Variants in MMADHC observed in about 807,000 individuals in gnomAD.
The protein encoded by MMADHC is cobalamin trafficking protein CblD.
A neutral mutation model predicts 36.3 loss-of-function variants in MMADHC; 23 were observed. That is an observed-to-expected ratio of 0.63 (90% CI 0.46 to 0.90). The LOEUF is 0.90. MMADHC is among the 40% of genes least tolerant of loss of function. The probability of loss-of-function intolerance (pLI) is 0.00; values close to 1 mark genes in which losing one functional copy is unlikely to be tolerated. For synonymous variants in MMADHC, 97 were observed against 116.1 expected, an observed-to-expected ratio of 0.84 and a Z score of 1.06; for missense variants, 330 against 348.0, an observed-to-expected ratio of 0.95 and a Z score of 0.41.
intron 3 of MMADHC, 118 bp from the exon 4 acceptor site, chr2:149,579,766 CTT>C (rs996379599): frequency 8.8e-6 from 8 of 913,432 alleles, no homozygotes; most frequent in African/African-American, 1.7e-5. Flanking sequence ...TCAAAATCTG[CTT>C]TCCCATGTGA....
Position 149,582,181 on chromosome 2 carries a change from C to T in MMADHC, c.100G>A (p.Ala34Thr). Residue 34 changes from alanine to threonine, a missense_variant, in exon 3 of 8, where the codon GCA becomes ACA. Transcript: ENST00000303319. ...GACTCATCCGAACCTGATGATCCTG[C>T]AGTCGAAAAGGCTTTGGGATTGACA... The part of the protein sequence containing the change: ...RVVNPKAFST[A>T]GSSGSDESHV... 2 of 1,613,996 alleles carry T rather than the reference C, an allele frequency of 1.2e-6. No individual in the cohort carries two copies. Among genetic ancestry groups the T allele is most frequent in the South Asian group, 1.1e-5 (1 of 91,072 alleles).
intron 7 of MMADHC, 32 bp downstream of exon 7, chr2:149,571,053 T>C (rs2105042166): frequency 6.9e-7 from 1 of 1,457,070 alleles, no homozygotes; most frequent in Non-Finnish European, 9.6e-7. Flanking sequence ...CTCTACTTCA[T>C]ATAATCTGAT....
intron 4 of MMADHC, among the ~76,000 whole-genome samples, chr2:149,577,714 T>C (rs1461643716): frequency 6.6e-6 from 1 of 151,766 alleles, no homozygotes; most frequent in Non-Finnish European, 1.5e-5. Flanking sequence ...TATCCTCATG[T>C]GACATTTATA....
At chr2:149,583,026 A>G (rs1211812743) in intron 2 of MMADHC, among the ~76,000 whole-genome samples, 1 of 152,192 alleles carries the variant, frequency 6.6e-6, no homozygotes, top group Non-Finnish European at 1.5e-5. Flanking sequence ...TGTACTGCCT[A>G]TGGTCACTTT....
chr2:149,571,322 CG>C (rs1313545276), intron 6 of MMADHC, 151 bp from the exon 7 acceptor site: 10 of 524,904 alleles, frequency 1.9e-5, no homozygotes, highest in Admixed American at 3.5e-5. Flanking sequence ...ACTGTAAAGG[CG>C]TAAGATTCTT....
At chr2:149,581,405 C>T (rs1340616682) in intron 3 of MMADHC, among the ~76,000 whole-genome samples, 3 of 152,030 alleles carry the variant, frequency 2.0e-5, no homozygotes, top group East Asian at 1.9e-4. Flanking sequence ...ACTTAAATTA[C>T]GTTGTAAGTA....
chr2:149,586,161 C>T (rs1460850077), intron 2 of MMADHC, among the ~76,000 whole-genome samples: 1 of 152,168 alleles, frequency 6.6e-6, no homozygotes, highest in Non-Finnish European at 1.5e-5. Context: ...CTAAATGCTG[C>T]CATATAAATC....
Position 149,569,902 on chromosome 2 carries a change from T to C in MMADHC, c.*72A>G, listed in dbSNP as rs1682612669. On this transcript the variant is annotated 3_prime_UTR_variant, in exon 8 of 8. Coordinates refer to ENST00000303319, the MANE Select transcript of MMADHC (RefSeq NM_015702.3). The stretch of plus-strand genomic sequence containing the variant: ...AGAAATAAATATATTTTAAAAACTT[T>C]AGTCTGACAGTGTTTATAGATCAAC... 3.7e-6 allele frequency: 5 copies of C among 1,334,606 alleles called. No homozygotes were observed. The highest frequency in any genetic ancestry group is 2.9e-5 in the African/African-American group (2 of 68,050). The allele number at this position is 1,334,606 out of a possible 1,614,324, so 82.7% of individuals were successfully genotyped here. A position where few individuals can be genotyped will look rare whatever the true frequency, so the allele number is the denominator to read the frequency against.
chr2:149,572,937 C>T (rs185892032), intron 6 of MMADHC, among the ~76,000 whole-genome samples: 1 of 152,272 alleles, frequency 6.6e-6, no homozygotes, highest in East Asian at 1.9e-4. Flanking sequence ...TAGTAAGCTA[C>T]AGCCCAAGGG....
chr2:149,582,272 C>G lies in MMADHC; in HGVS notation c.10-1G>C, dbSNP rs1573880177. 6.2e-7 allele frequency: 1 copy of G among 1,613,290 alleles called. No individual in the cohort carries two copies. Among genetic ancestry groups the G allele is most frequent in the Non-Finnish European group, 8.5e-7 (1 of 1,179,620 alleles). ...CCAGTCTGGCTCTGTTACAAAGCACCTAGAAATGACACAAAATTAAAACTA... is the reference window on the plus strand; with the variant it reads ...CCAGTCTGGCTCTGTTACAAAGCACGTAGAAATGACACAAAATTAAAACTA... On this transcript the variant is annotated splice_acceptor_variant, in intron 2 of 7. Transcript: ENST00000303319. LOFTEE classifies it high-confidence loss of function.
Position 149,587,010 on chromosome 2 carries a change from C to A in MMADHC, c.9+79G>T. ...CTAACACTATACCACCCAATGCCAT[C>A]ATAATTAAACCCGTTCTTTCATTCC... is the stretch of plus-strand genomic sequence containing the variant. On this transcript the variant is annotated intron_variant, in intron 2 of 7. Transcript: ENST00000303319. 4 of 1,415,296 alleles carry A rather than the reference C, an allele frequency of 2.8e-6. No homozygotes were observed. In the Admixed American group the frequency reaches 6.7e-5, roughly 24 times the overall value. The allele number at this position is 1,415,296 out of a possible 1,614,324, so 87.7% of individuals were successfully genotyped here.
chr2:149,576,550 GAA>G lies in MMADHC; in HGVS notation c.373-10_373-9del. The G allele has an allele frequency of 6.3e-7, 1 of 1,582,728 alleles. No homozygotes were observed. The highest frequency in any genetic ancestry group is 8.7e-7 in the Non-Finnish European group (1 of 1,151,656). On this transcript the variant is annotated splice_polypyrimidine_tract_variant and intron_variant, in intron 4 of 7. Coordinates refer to ENST00000303319, the MANE Select transcript of MMADHC (RefSeq NM_015702.3). ...AACAGGTGCATCATTACCCTAAGGG[GAA>G]CAAGGATATAAGTCAACAAAATCTG...
chr2:149,587,630 T>G (rs543688078), intron 1 of MMADHC, 34 bp downstream of exon 1: 271 of 165,214 alleles, frequency 1.6e-3, no homozygotes, highest in African/African-American at 6.1e-3. Context: ...CGGGCAAATT[T>G]GGAGGGGCTA....
chr2:149,582,337 T>G, intron 2 of MMADHC, 66 bp from the exon 3 acceptor site: 4 of 1,535,714 alleles, frequency 2.6e-6, no homozygotes, highest in Non-Finnish European at 3.6e-6. Flanking sequence ...ATAGACAATC[T>G]CTGGCAAATC....
chr2:149,587,060 T>C, intron 2 of MMADHC, 29 bp downstream of exon 2: 2 of 1,610,528 alleles, frequency 1.2e-6, no homozygotes, highest in South Asian at 1.1e-5. Flanking sequence ...GAGTTTACTA[T>C]GCTGATTCTT....
At chr2:149,583,884 C>A (rs1406968983) in intron 2 of MMADHC, among the ~76,000 whole-genome samples, 1 of 152,108 alleles carries the variant, frequency 6.6e-6, no homozygotes, top group South Asian at 2.1e-4. Flanking sequence ...ATTCTTTATA[C>A]TGCCATAAGA....
At chr2:149,587,471 TGCGTAACAACA>T (rs1466617944) in intron 1 of MMADHC, 182 bp downstream of exon 1, 5 of 350,346 alleles carry the variant, frequency 1.4e-5, no homozygotes, top group African/African-American at 1.0e-4. Context: ...AAGTTGGGGC[TGCGTAACAACA>T]GCTCCAAGCA....
intron 6 of MMADHC, among the ~76,000 whole-genome samples, chr2:149,571,985 TAC>T (rs1558845371): frequency 6.6e-6 from 1 of 152,152 alleles, no homozygotes; most frequent in African/African-American, 2.4e-5. Context: ...GTAAATGATG[TAC>T]AGAGTTAAAC....
At position 149,584,471 on chromosome 2, in the gene MMADHC, A is replaced by G. The variant is rs147298926; in HGVS notation, c.10-2200T>C. Among the ~76,000 whole-genome samples, 1,518 of 152,290 alleles carry G rather than the reference A, an allele frequency of 1.0e-2. 27 individuals are homozygous for G. The highest frequency in any genetic ancestry group is 0.034 in the African/African-American group (1,428 of 41,552). On this transcript the variant is annotated intron_variant, in intron 2 of 7. Coordinates refer to ENST00000303319, the MANE Select transcript of MMADHC (RefSeq NM_015702.3). ...ACATCGTTTCACAAGCAAAAAACAGAAGGAGGAGGAAGATCATCCAAATTA... is the reference window on the plus strand; with the variant it reads ...ACATCGTTTCACAAGCAAAAAACAGGAGGAGGAGGAAGATCATCCAAATTA...
Sources: allele counts gnomAD v4.1 joint callset (sites outside exome capture counted in the v4.1 genomes callset), GRCh38; gene constraint gnomAD v4.1.1; transcripts MANE v1.5; gene names NCBI Gene and HGNC (gene_info 2026-07-23, HGNC 2026-07-21).